The following BTBD2 variants were observed in gnomAD, a reference collection of about 807,000 sequenced individuals.
The protein encoded by BTBD2 is BTB domain containing 2.
BTBD2 carries 15 observed loss-of-function variants against 44.0 expected under a neutral mutation model. The observed-to-expected ratio is 0.34, with a 90% CI of 0.23 to 0.53. BTBD2 has a LOEUF of 0.53. BTBD2 is among the 20% of genes least tolerant of loss of function. The pLI is 0.95. For missense variants in BTBD2, 657 were observed against 746.4 expected (o/e 0.88, Z 1.39); for synonymous variants, 443 against 335.9 (o/e 1.32, Z -3.49).
intron 2 of BTBD2, among the ~76,000 whole-genome samples, chr19:1,996,890 G>A (rs2016258105): frequency 6.7e-6 from 1 of 149,912 alleles, no homozygotes; most frequent in African/African-American, 2.5e-5. Context: ...AAAATAAAAA[G>A]GGTGCCTCTG....
chr19:2,015,279 C>T lies in BTBD2; in HGVS notation c.407+18G>A, dbSNP rs1346889670. On this transcript the variant is annotated intron_variant, in intron 1 of 8. Coordinates refer to ENST00000255608, the MANE Select transcript of BTBD2 (RefSeq NM_017797.4). ...CTGGGTGGGTCGGGGCCAGGGCTGG[C>T]GGGGTCGGGGCGCCCACCTGTGCGC... 1.3e-6 allele frequency: 2 copies of T among 1,532,970 alleles called. No homozygotes were observed. The highest frequency in any genetic ancestry group is 2.8e-5 in the African/African-American group (2 of 72,196). The allele number at this position is 1,532,970 out of a possible 1,614,324, so 95.0% of individuals were successfully genotyped here.
intron 5 of BTBD2, chr19:1,987,999 C>T (rs1434922491): frequency 2.7e-5 from 9 of 336,242 alleles, no homozygotes; most frequent in South Asian, 1.1e-4. Context: ...AGGGACCACC[C>T]GTCACTTCAC....
At chr19:1,992,886 C>G (rs1418621735) in intron 3 of BTBD2, 134 bp downstream of exon 3, 4 of 907,970 alleles carry the variant, frequency 4.4e-6, no homozygotes, top group Non-Finnish European at 1.5e-6. Flanking sequence ...ACACATTTTA[C>G]TACCAGGCAG....
At chr19:1,986,729 TG>T in intron 8 of BTBD2, 80 bp from the exon 9 acceptor site, 1 of 1,580,120 alleles carries the variant, frequency 6.3e-7, no homozygotes, top group African/African-American at 1.3e-5. Flanking sequence ...AGGCCCCGAC[TG>T]GGCCAGGGTG....
At chr19:1,997,907 C>T (rs959096375) in intron 1 of BTBD2, among the ~76,000 whole-genome samples, 19 of 152,238 alleles carry the variant, frequency 1.2e-4, no homozygotes, top group African/African-American at 4.3e-4. Flanking sequence ...CATTCATTCA[C>T]ATATTCATTC....
chr19:1,991,140 G>C (rs1403693328), intron 3 of BTBD2: 2 of 270,832 alleles, frequency 7.4e-6, no homozygotes. Flanking sequence ...GCTGCACTCG[G>C]GGGGCAGCAG....
In BTBD2 at chr19:2,000,761, G is replaced by A. The variant is rs1047188835; in HGVS notation, c.408-3298C>T. 7.2e-5 allele frequency among the ~76,000 whole-genome samples: 11 copies of A among 152,116 alleles called. No homozygotes were observed. In the East Asian group the frequency reaches 1.9e-3, roughly 27 times the overall value. ...CATCCACAATTGCTCACAGCAGCAC[G>A]ATTCCCAACTCCGAACGGGGGAAAC... On this transcript the variant is annotated intron_variant, in intron 1 of 8. Transcript: ENST00000255608.
chr19:1,998,310 G>A lies in BTBD2; in HGVS notation c.408-847C>T, dbSNP rs191339614. On this transcript the variant is annotated intron_variant, in intron 1 of 8. Transcript: ENST00000255608. ...TGGCCGAACAGCCCCCACTGAGTGAGAGAAGAGAGAGGAGCGTGGTCCCAT... is the reference window on the plus strand; with the variant it reads ...TGGCCGAACAGCCCCCACTGAGTGAAAGAAGAGAGAGGAGCGTGGTCCCAT... Among the ~76,000 whole-genome samples the A allele has an allele frequency of 6.5e-4, 99 of 152,334 alleles. No homozygotes were observed. The Middle Eastern group carries it at 0.01, about 16-fold the overall frequency.
At chr19:1,999,347 C>T (rs909459279) in intron 1 of BTBD2, among the ~76,000 whole-genome samples, 40 of 152,344 alleles carry the variant, frequency 2.6e-4, no homozygotes, top group Middle Eastern at 3.4e-3. Context: ...AAGGCTGGCC[C>T]TAAACAGTGG....
Position 2,015,625 on chromosome 19 carries a change from C to A in BTBD2, c.79G>T (p.Gly27Trp). 1.0e-6 allele frequency: 1 copy of A among 976,048 alleles called. No individual in the cohort carries two copies. The highest frequency in any genetic ancestry group is 4.7e-5 in the South Asian group (1 of 21,442). The allele number at this position is 976,048 out of a possible 1,614,324, so 60.5% of individuals were successfully genotyped here. A position where few individuals can be genotyped will look rare whatever the true frequency, so the allele number is the denominator to read the frequency against. The change falls in exon 1 of 9, where the codon GGG becomes TGG. Residue 27 changes from glycine to tryptophan, a missense_variant. Coordinates refer to ENST00000255608, the MANE Select transcript of BTBD2 (RefSeq NM_017797.4). ...GVGPGTGGSP[G>W]PSANAAATPA... ...GTGGCGGCGGCGTTGGCGCTGGGCC[C>A]GGGACTGCCCCCCGTGCCCGGGCCG...
intron 4 of BTBD2, 118 bp from the exon 5 acceptor site, chr19:1,990,319 G>A (rs1370714786): frequency 1.6e-5 from 18 of 1,092,008 alleles, no homozygotes; most frequent in East Asian, 2.6e-5. Context: ...ATGGCCCGTG[G>A]CCCAAATCTG....
intron 1 of BTBD2, chr19:2,003,620 T>A (rs1375162612): frequency 6.6e-6 from 1 of 151,234 alleles, no homozygotes; most frequent in Admixed American, 6.6e-5. Context: ...AATACAAAAT[T>A]AGCCGGGTGT....
intron 5 of BTBD2, chr19:1,988,052 C>G (rs1262900763): frequency 4.2e-6 from 1 of 237,858 alleles, no homozygotes; most frequent in South Asian, 7.4e-5. Context: ...TCTCTCAGGG[C>G]CATTGGCTGG....
chr19:1,997,352 T>G lies in BTBD2; in HGVS notation c.519A>C (p.Ala173=). 6.2e-7 allele frequency: 1 copy of G among 1,614,150 alleles called. No individual in the cohort carries two copies. The highest frequency in any genetic ancestry group is 1.1e-5 in the South Asian group (1 of 91,078). ...LPDVEPAAFL[A]LLKFLYSDEV... ...GCATCCGGAAGCATTACTTGAGCAG[T>G]GCGAGGAAGGCAGCGGGTTCCACGT... The change falls in exon 2 of 9, where the codon GCA becomes GCC. Residue 173 remains alanine (A), a synonymous_variant. Coordinates refer to ENST00000255608, the MANE Select transcript of BTBD2 (RefSeq NM_017797.4).
intron 1 of BTBD2, among the ~76,000 whole-genome samples, chr19:2,009,857 C>CA (rs2016441442): frequency 7.4e-6 from 1 of 134,566 alleles, no homozygotes; most frequent in African/African-American, 2.8e-5. Flanking sequence ...CTCAAAAAAA[C>CA]AAAAAAGGAG....
At position 2,015,526 on chromosome 19, in the gene BTBD2, G is replaced by A. The variant is rs1339142121; in HGVS notation, c.178C>T (p.Pro60Ser). The A allele has an allele frequency of 1.2e-4, 118 of 963,444 alleles. No homozygotes were observed. Among genetic ancestry groups the A allele is most frequent in the Non-Finnish European group, 1.4e-4 (116 of 823,022 alleles). The allele number at this position is 963,444 out of a possible 1,614,324, so 59.7% of individuals were successfully genotyped here. The change falls in exon 1 of 9, where the codon CCC (proline) becomes TCC (serine). Residue 60 changes from proline (P) to serine (S), a missense_variant. Coordinates refer to ENST00000255608, the MANE Select transcript of BTBD2 (RefSeq NM_017797.4). ...AAAAAPGPTP[P>S]APPGPGTDAQ... is the part of the protein sequence containing the mutation. ...TCTGTCCCGGGGCCCGGCGGGGCGG[G>A]CGGCGTCGGCCCAGGGGCGGCGGCG...
At chr19:2,012,723 CG>C (rs796466788) in intron 1 of BTBD2, among the ~76,000 whole-genome samples, 1 of 152,174 alleles carries the variant, frequency 6.6e-6, no homozygotes, top group African/African-American at 2.4e-5. Flanking sequence ...CTGAGCCCCC[CG>C]GGGGCAGACC....
At chr19:2,014,862 A>G (rs78465990) in intron 1 of BTBD2, among the ~76,000 whole-genome samples, 14,433 of 136,002 alleles carry the variant, frequency 0.11, 1,108 homozygotes, top group African/African-American at 0.23. Context: ...CGCAAGCCAG[A>G]GGTGGAGGAT....
intron 1 of BTBD2, among the ~76,000 whole-genome samples, chr19:1,997,750 C>T (rs1013597260): frequency 6.6e-5 from 10 of 152,248 alleles, no homozygotes; most frequent in Admixed American, 5.2e-4. Flanking sequence ...TCCTTCCAGG[C>T]GTCAGGCACG....
Sources: allele counts gnomAD v4.1 joint callset (sites outside exome capture counted in the v4.1 genomes callset), GRCh38; gene constraint gnomAD v4.1.1; transcripts MANE v1.5; gene names NCBI Gene and HGNC (gene_info 2026-07-23, HGNC 2026-07-21).